PDE5A: variants seen among roughly 807,000 people sequenced by gnomAD.
PDE5A encodes cGMP-specific 3',5'-cyclic phosphodiesterase.
PDE5A carries 67 observed loss-of-function variants against 110.2 expected under a neutral mutation model. The observed-to-expected ratio is 0.61, with a 90% CI of 0.50 to 0.75. The LOEUF (loss-of-function observed/expected upper bound fraction) is 0.75, where lower values mean the gene tolerates loss of function less well. Among genes scored for constraint, PDE5A ranks in the 30% least tolerant of loss-of-function variants. PDE5A has a pLI of 0.00. For missense variants in PDE5A, 862 were observed against 1,045.1 expected, an observed-to-expected ratio of 0.82 and a Z score of 2.42; for synonymous variants, 328 against 351.2, an observed-to-expected ratio of 0.93 and a Z score of 0.74.
rs201517711 is a variant in PDE5A at position 119,505,845 on chromosome 4, A to T, written c.2267+10T>A. The T allele has an allele frequency of 2.7e-6, 4 of 1,489,508 alleles. No homozygotes were observed. Among genetic ancestry groups the T allele is most frequent in the Non-Finnish European group, 3.7e-6 (4 of 1,088,668 alleles). The allele number at this position is 1,489,508 out of a possible 1,614,324, so 92.3% of individuals were successfully genotyped here. A position where few individuals can be genotyped will look rare whatever the true frequency, so the allele number is the denominator to read the frequency against. Reference sequence around the variant, plus strand: ...AAAACTTCAGCTTTAAAGATAGTAAACCTACTTACAAAAACAACTCCTTTT... The same window carrying T: ...AAAACTTCAGCTTTAAAGATAGTAATCCTACTTACAAAAACAACTCCTTTT... On this transcript the variant is annotated intron_variant, in intron 17 of 20. Transcript: ENST00000354960.
chr4:119,577,632 A>G (rs923099516), intron 3 of PDE5A, among the ~76,000 whole-genome samples: 13 of 152,364 alleles, frequency 8.5e-5, no homozygotes, highest in Middle Eastern at 3.4e-3. Flanking sequence ...GACAAATTTC[A>G]ACAACCCTTC....
chr4:119,586,450 G>GGA (rs1358887632), intron 3 of PDE5A, among the ~76,000 whole-genome samples: 2 of 152,178 alleles, frequency 1.3e-5, no homozygotes, highest in Non-Finnish European at 2.9e-5. Context: ...TTTAACACTT[G>GGA]ATAAAGCACT....
At chr4:119,533,531 A>T (rs1053385236) in intron 11 of PDE5A, among the ~76,000 whole-genome samples, 30 of 152,316 alleles carry the variant, frequency 2.0e-4, no homozygotes, top group Middle Eastern at 3.4e-3. Context: ...ACTACTTTTA[A>T]AACGGGAATG....
chr4:119,538,720 C>T, intron 11 of PDE5A: 2 of 396,344 alleles, frequency 5.0e-6, no homozygotes, highest in Middle Eastern at 7.5e-4. Context: ...AATTTTGGCC[C>T]CAAAAAGATG....
At chr4:119,580,959 G>A (rs530688260) in intron 3 of PDE5A, among the ~76,000 whole-genome samples, 12 of 152,330 alleles carry the variant, frequency 7.9e-5, no homozygotes, top group African/African-American at 2.9e-4. Context: ...TTTATTTTAA[G>A]GGTGGTATCC....
chr4:119,609,019 G>A (rs1025361146), intron 1 of PDE5A, among the ~76,000 whole-genome samples: 7 of 151,936 alleles, frequency 4.6e-5, no homozygotes, highest in African/African-American at 1.2e-4. Flanking sequence ...AAAATTAGCC[G>A]GGCTTGGTGG....
In PDE5A at chr4:119,606,824, T is replaced by C; in HGVS notation, c.626A>G (p.Glu209Gly). The change falls in exon 2 of 21, where the codon GAA becomes GGA. Residue 209 changes from glutamate to glycine, a missense_variant. Transcript: ENST00000354960. ...TGAAACTTCTTCCAGTGTTGAACCT[T>C]CAGCAACATCAAAGAGGCGGCTGAT... Reference protein sequence around the residue: ...FLISRLFDVAEGSTLEEVSNN... With the variant: ...FLISRLFDVAGGSTLEEVSNN... 6.2e-7 allele frequency: 1 copy of C among 1,614,178 alleles called. No individual in the cohort carries two copies. Among genetic ancestry groups the C allele is most frequent in the South Asian group, 1.1e-5 (1 of 91,078 alleles).
chr4:119,617,367 GAC>G (rs149229368), intron 1 of PDE5A, among the ~76,000 whole-genome samples: 8 of 150,676 alleles, frequency 5.3e-5, no homozygotes, highest in Non-Finnish European at 5.9e-5. Flanking sequence ...TAGCTAAAGG[GAC>G]ACACACACAC....
chr4:119,513,758 C>T (rs1022473447), intron 14 of PDE5A, among the ~76,000 whole-genome samples: 1 of 152,140 alleles, frequency 6.6e-6, no homozygotes. Context: ...GGCTGGACTA[C>T]GAAATGCAAT....
intron 1 of PDE5A, among the ~76,000 whole-genome samples, chr4:119,614,145 G>A (rs1471256116): frequency 6.6e-6 from 1 of 151,176 alleles, no homozygotes; most frequent in Non-Finnish European, 1.5e-5. Flanking sequence ...AGGGAACAAA[G>A]ATTCTTAAGG....
intron 14 of PDE5A, 51 bp from the exon 15 acceptor site, chr4:119,511,185 C>T (rs780559716): frequency 1.8e-6 from 2 of 1,115,478 alleles, no homozygotes; most frequent in Non-Finnish European, 2.7e-6. Context: ...CCTTAATATG[C>T]CATTTATCAG....
At chr4:119,610,757 G>A (rs1729713171) in intron 1 of PDE5A, among the ~76,000 whole-genome samples, 1 of 152,028 alleles carries the variant, frequency 6.6e-6, no homozygotes, top group African/African-American at 2.4e-5. Flanking sequence ...CTGTCAACCT[G>A]ACTTCCAAAA....
rs192566701 is a variant in PDE5A, at chr4:119,596,219, T to G, written c.831+304A>C. ...CTCCTAAAACATAATATGCAATGAA[T>G]TGATCCTAATCACAACCATAATTAC... On this transcript the variant is annotated intron_variant, in intron 3 of 20. Transcript: ENST00000354960. Among the ~76,000 whole-genome samples, 1,300 of 152,226 alleles carry G rather than the reference T, an allele frequency of 8.5e-3. 5 individuals carry two copies. Among genetic ancestry groups the G allele is most frequent in the Non-Finnish European group, 0.013 (893 of 67,974 alleles).
chr4:119,530,003 T>C (rs1183713703), intron 11 of PDE5A, among the ~76,000 whole-genome samples: 1 of 152,106 alleles, frequency 6.6e-6, no homozygotes, highest in Admixed American at 6.6e-5. Flanking sequence ...GGAGTGGGGC[T>C]CAGCAATCTG....
intron 7 of PDE5A, among the ~76,000 whole-genome samples, chr4:119,559,149 T>C (rs1460572881): frequency 6.6e-6 from 1 of 152,148 alleles, no homozygotes; most frequent in Non-Finnish European, 1.5e-5. Flanking sequence ...TTTCCATTTT[T>C]CCTACAGAGA....
chr4:119,516,558 C>T (rs1725913784), intron 14 of PDE5A, among the ~76,000 whole-genome samples: 1 of 152,144 alleles, frequency 6.6e-6, no homozygotes, highest in Non-Finnish European at 1.5e-5. Context: ...GTTGTCTGCA[C>T]TTTAGCTATT....
At chr4:119,540,094 A>G (rs780783423) in intron 10 of PDE5A, among the ~76,000 whole-genome samples, 3 of 152,164 alleles carry the variant, frequency 2.0e-5, no homozygotes, top group East Asian at 1.9e-4. Flanking sequence ...GGTTGTATTT[A>G]AAGTATCTAT....
chr4:119,571,722 G>A (rs2953292), intron 3 of PDE5A, among the ~76,000 whole-genome samples: 148,688 of 152,322 alleles, frequency 0.98, 72,673 homozygotes, highest in East Asian at 1. Context: ...CCATTCAATT[G>A]TGATTCTTAT....
chr4:119,503,424 C>T (rs1338216377), intron 18 of PDE5A, among the ~76,000 whole-genome samples: 2 of 152,098 alleles, frequency 1.3e-5, no homozygotes, highest in Non-Finnish European at 2.9e-5. Context: ...CCATTCAGAA[C>T]TTTCTCGACA....
Sources: allele counts gnomAD v4.1 joint callset (sites outside exome capture counted in the v4.1 genomes callset), GRCh38; gene constraint gnomAD v4.1.1; transcripts MANE v1.5; gene names NCBI Gene and HGNC (gene_info 2026-07-23, HGNC 2026-07-21).